The following CTR9 variants were observed in gnomAD, a reference collection of about 807,000 sequenced individuals.
CTR9 encodes CTR9 component of Paf1/RNA polymerase II complex.
In CTR9, 41 loss-of-function variants were observed where a neutral mutation model predicts 152.1. The observed-to-expected ratio is 0.27, with a 90% CI of 0.21 to 0.35. CTR9 has a LOEUF of 0.35. Among genes scored for constraint, CTR9 ranks in the 10% least tolerant of loss-of-function variants. The pLI, the probability that CTR9 is intolerant of heterozygous loss-of-function variation, is 1.00. For missense variants in CTR9, 917 were observed against 1,424.4 expected, an observed-to-expected ratio of 0.64 and a Z score of 5.73; for synonymous variants, 476 against 496.2, an observed-to-expected ratio of 0.96 and a Z score of 0.54.
chr11:10,777,962 A>G (rs1269366333), intron 24 of CTR9, among the ~76,000 whole-genome samples: 3 of 152,246 alleles, frequency 2.0e-5, no homozygotes, highest in African/African-American at 7.2e-5. Context: ...CAGAGCCTCC[A>G]GGAAGCCAAG....
rs967667109 is a variant in CTR9, at chr11:10,771,430, T to G, written c.2373-115T>G. The G allele has an allele frequency of 1.2e-5, 8 of 650,800 alleles. No homozygotes were observed. In the African/African-American group the frequency reaches 1.5e-4, roughly 12 times the overall value. The allele number at this position is 650,800 out of a possible 1,614,324, so 40.3% of individuals were successfully genotyped here. The stretch of plus-strand genomic sequence containing the variant: ...AATGAGTGGCATAAATTTGTGTAAA[T>G]CAGTCAATATGCAAACCTTTTCTCA... On this transcript the variant is annotated intron_variant, in intron 18 of 24. Transcript: ENST00000361367.
Position 10,755,040 on chromosome 11 carries a change from G to C in CTR9, c.227G>C (p.Arg76Thr). 1 of 1,614,080 alleles carries C rather than the reference G, an allele frequency of 6.2e-7. No homozygotes were observed. Among genetic ancestry groups the C allele is most frequent in the Non-Finnish European group, 8.5e-7 (1 of 1,179,982 alleles). Residue 76 changes from arginine to threonine, a missense_variant, in exon 3 of 25, where the codon AGA becomes ACA. Physicochemically the swap from Arg to Thr is moderately conservative, Grantham distance 71. This residue lies in a region of CTR9 where 67 missense variants were observed against 106.9 expected (regional missense o/e 0.63). Transcript: ENST00000361367. ...AARIDGNLDY[R>T]DHEKDQMTCL... is the part of the protein sequence containing the mutation. ...CGTATAGATGGCAATTTGGACTATA[G>C]AGACCATGAAAAAGACCAGATGACT...
Position 10,768,337 on chromosome 11 carries a change from C to T in CTR9, c.1961-6C>T. On this transcript the variant is annotated splice_region_variant and splice_polypyrimidine_tract_variant and intron_variant, in intron 15 of 24. Transcript: ENST00000361367. ...TTGTTAAGTGTGAACCTTTTTATAT[C>T]TTTAGGAGCTGTTTTGGCCCACAAA... The T allele has an allele frequency of 6.2e-7, 1 of 1,608,072 alleles. No individual in the cohort carries two copies. Among genetic ancestry groups the T allele is most frequent in the Non-Finnish European group, 8.5e-7 (1 of 1,178,362 alleles).
At chr11:10,766,105 A>C (rs1863055382) in intron 12 of CTR9, among the ~76,000 whole-genome samples, 1 of 152,232 alleles carries the variant, frequency 6.6e-6, no homozygotes, top group Non-Finnish European at 1.5e-5. Context: ...AATTAGAAAC[A>C]GGCCGGTTCC....
chr11:10,773,423 A>G, intron 21 of CTR9, 150 bp downstream of exon 21: 1 of 930,654 alleles, frequency 1.1e-6, no homozygotes, highest in Non-Finnish European at 1.6e-6. Flanking sequence ...AGAATGATTT[A>G]AATGGTATCC....
At chr11:10,755,577 A>G in intron 3 of CTR9, 101 bp from the exon 4 acceptor site, 1 of 676,016 alleles carries the variant, frequency 1.5e-6, no homozygotes, top group South Asian at 2.1e-5. Context: ...TGATAGGGGA[A>G]TTTGCACTGT....
Position 10,755,059 on chromosome 11 carries a change from G to A in CTR9, c.246G>A (p.Gln82=). The change falls in exon 3 of 25, where the codon CAG becomes CAA. Residue 82 remains glutamine, a synonymous_variant. Transcript: ENST00000361367. ...NLDYRDHEKD[Q]MTCLDTLAAY... The stretch of plus-strand genomic sequence containing the variant: ...ACTATAGAGACCATGAAAAAGACCA[G>A]ATGACTTGCTTGGATACATTGGCAG... 6.2e-7 allele frequency: 1 copy of A among 1,614,100 alleles called. No individual in the cohort carries two copies. Among genetic ancestry groups the A allele is most frequent in the Non-Finnish European group, 8.5e-7 (1 of 1,179,990 alleles).
chr11:10,766,376 A>G (rs1214332240), intron 12 of CTR9, 26 bp from the exon 13 acceptor site: 1 of 1,543,074 alleles, frequency 6.5e-7, no homozygotes, highest in African/African-American at 1.4e-5. Context: ...TATTTGGGAT[A>G]TAAAAACTTT....
intron 7 of CTR9, among the ~76,000 whole-genome samples, chr11:10,762,297 A>G (rs1862990644): frequency 6.6e-6 from 1 of 152,204 alleles, no homozygotes; most frequent in South Asian, 2.1e-4. Context: ...AAGATTAGTA[A>G]AACATGGTGT....
Position 10,767,628 on chromosome 11 carries a change from TTAG to T in CTR9, c.1687-173_1687-171del, listed in dbSNP as rs1023041469. The T allele has an allele frequency of 7.9e-6, 5 of 631,758 alleles. No individual in the cohort carries two copies. In the South Asian group the frequency reaches 8.0e-5, roughly 10 times the overall value. The allele number at this position is 631,758 out of a possible 1,614,324, so 39.1% of individuals were successfully genotyped here. On this transcript the variant is annotated intron_variant, in intron 13 of 24. Coordinates refer to ENST00000361367, the MANE Select transcript of CTR9 (RefSeq NM_014633.5). The surrounding 1 kb of genome is among the most constrained non-coding windows in gnomAD (Gnocchi z 4.0). Reference sequence around the variant, plus strand: ...AATTTTGTATAACTTAGCTTTAGCATTAGTAGTTCGATAAATTTGGATTGCCAT... The same window carrying T: ...AATTTTGTATAACTTAGCTTTAGCATTAGTTCGATAAATTTGGATTGCCAT...
intron 5 of CTR9, among the ~76,000 whole-genome samples, chr11:10,759,201 AG>A (rs930783399): frequency 1.3e-5 from 2 of 152,234 alleles, no homozygotes; most frequent in African/African-American, 4.8e-5. Flanking sequence ...TAGGGAAATG[AG>A]GAAGAATCAG....
chr11:10,753,546 G>A (rs1001213637), intron 2 of CTR9, among the ~76,000 whole-genome samples: 2 of 152,006 alleles, frequency 1.3e-5, no homozygotes, highest in Middle Eastern at 3.4e-3. Context: ...TTTAGATGTG[G>A]ATTTACAGAG....
intron 5 of CTR9, among the ~76,000 whole-genome samples, chr11:10,757,348 G>C (rs535200625): frequency 6.6e-6 from 1 of 151,546 alleles, no homozygotes; most frequent in African/African-American, 2.4e-5. Context: ...TCAGCACTTT[G>C]GGAGGGTGAG....
rs1348466916 is a variant in CTR9, at chr11:10,763,735, G to A, written c.1050G>A (p.Met350Ile). 6.2e-7 allele frequency: 1 copy of A among 1,613,968 alleles called. No individual in the cohort carries two copies. The change falls in exon 9 of 25, where the codon ATG becomes ATA. Residue 350 changes from methionine to isoleucine, a missense_variant. Physicochemically the swap from Met to Ile is conservative, Grantham distance 10 (BLOSUM62 1). Coordinates refer to ENST00000361367, the MANE Select transcript of CTR9 (RefSeq NM_014633.5). ...TCCCATTTTTTGGTTTGGGACAAAT[G>A]TATATTTATCGAGGTGACAAAGAAA... ...FVLPFFGLGQ[M>I]YIYRGDKENA... is the part of the protein sequence containing the mutation.
At position 10,755,056 on chromosome 11, in the gene CTR9, C is replaced by A; in HGVS notation, c.243C>A (p.Asp81Glu). Residue 81 changes from aspartate to glutamate, a missense_variant, in exon 3 of 25, where the codon GAC (aspartate) becomes GAA (glutamate). Around this residue, in one of 9 missense-constraint regions of CTR9, gnomAD observed 67 missense variants for 106.9 expected, o/e 0.63. Coordinates refer to ENST00000361367, the MANE Select transcript of CTR9 (RefSeq NM_014633.5). ...GNLDYRDHEK[D>E]QMTCLDTLAA... ...TGGACTATAGAGACCATGAAAAAGA[C>A]CAGATGACTTGCTTGGATACATTGG... is the stretch of plus-strand genomic sequence containing the variant. The A allele has an allele frequency of 6.2e-7, 1 of 1,614,016 alleles. No individual in the cohort carries two copies. Among genetic ancestry groups the A allele is most frequent in the Non-Finnish European group, 8.5e-7 (1 of 1,179,974 alleles).
chr11:10,777,956 G>A (rs1863268361), intron 24 of CTR9, among the ~76,000 whole-genome samples: 2 of 152,198 alleles, frequency 1.3e-5, no homozygotes, highest in Non-Finnish European at 2.9e-5. Context: ...TTTCCTCAGA[G>A]CCTCCAGGAA....
At chr11:10,777,928 G>A (rs949059415) in intron 24 of CTR9, among the ~76,000 whole-genome samples, 9 of 152,192 alleles carry the variant, frequency 5.9e-5, no homozygotes, top group Non-Finnish European at 1.2e-4. Flanking sequence ...AGCGGTCACC[G>A]TGGTTAAGGG....
chr11:10,774,295 C>T (rs544432752), intron 22 of CTR9, 126 bp downstream of exon 22: 31 of 1,161,988 alleles, frequency 2.7e-5, no homozygotes, highest in Middle Eastern at 3.1e-4. Context: ...TTTTGTGCCC[C>T]CACTTCCTAC....
At chr11:10,754,290 C>A (rs957571554) in intron 2 of CTR9, among the ~76,000 whole-genome samples, 30 of 152,154 alleles carry the variant, frequency 2.0e-4, no homozygotes, top group African/African-American at 6.8e-4. Flanking sequence ...ATTTAGAATT[C>A]TTCATATCTT....
Sources: allele counts gnomAD v4.1 joint callset (sites outside exome capture counted in the v4.1 genomes callset), GRCh38; gene constraint gnomAD v4.1.1; regional missense constraint gnomAD v4.1.1; non-coding constraint Gnocchi (gnomAD v3.1); transcripts MANE v1.5; gene names NCBI Gene and HGNC (gene_info 2026-07-23, HGNC 2026-07-21).